ZNF831: variants seen among roughly 807,000 people sequenced by gnomAD.
The protein encoded by ZNF831 is zinc finger protein 831.
Under a neutral mutation model 95.8 loss-of-function variants are expected in ZNF831, and 59 were observed. That is an observed-to-expected ratio of 0.62 (90% CI 0.50 to 0.77). The LOEUF (loss-of-function observed/expected upper bound fraction) is 0.77. ZNF831 is among the 30% of genes least tolerant of loss of function. The probability of loss-of-function intolerance (pLI) is 0.00; values close to 1 mark genes in which losing one functional copy is unlikely to be tolerated. For missense variants in ZNF831, 2,205 were observed against 2,164.0 expected (o/e 1.02, Z -0.38); for synonymous variants, 961 against 925.5 (o/e 1.04, Z -0.70).
intron 1 of ZNF831, among the ~76,000 whole-genome samples, chr20:59,123,877 A>G (rs562306431): frequency 9.2e-5 from 14 of 152,344 alleles, no homozygotes; most frequent in Non-Finnish European, 1.8e-4. Flanking sequence ...CATCTCATCC[A>G]CAGAACATAA....
rs777173133 is a variant in ZNF831 at position 59,191,969 on chromosome 20, G to C, written c.950G>C (p.Arg317Pro). ...GCCGGGAAGCCGTGCGCCCTGCAGCGGCAGCAGGCGACGGCAGCGGAGAAG... is the reference window on the plus strand; with the variant it reads ...GCCGGGAAGCCGTGCGCCCTGCAGCCGCAGCAGGCGACGGCAGCGGAGAAG... ...PTAGKPCALQRQQATAAEKPW... is the reference protein window; with the variant it reads ...PTAGKPCALQPQQATAAEKPW... The change falls in exon 2 of 6, where the codon CGG (arginine) becomes CCG (proline). Residue 317 changes from arginine (R) to proline (P), a missense_variant. Coordinates refer to ENST00000371030, the MANE Select transcript of ZNF831 (RefSeq NM_178457.3). The C allele has an allele frequency of 1.0e-5, 16 of 1,606,356 alleles. No homozygotes were observed. In the African/African-American group the frequency reaches 2.0e-4, roughly 20 times the overall value.
chr20:59,161,354 T>A (rs1980851185), upstream of ZNF831, among the ~76,000 whole-genome samples: 1 of 152,120 alleles, frequency 6.6e-6, no homozygotes, highest in African/African-American at 2.4e-5. Flanking sequence ...CTCAGCTTGC[T>A]GCAACCTCTG....
chr20:59,194,184 G>T lies in ZNF831; in HGVS notation c.3165G>T (p.Pro1055=). Residue 1055 remains proline, a synonymous_variant, in exon 2 of 6, where the codon CCG becomes CCT. Coordinates refer to ENST00000371030, the MANE Select transcript of ZNF831 (RefSeq NM_178457.3). ...CTCCCAGGGAGGCTACCTCCTCCCCGCCCACTCCAACGTGTGAGGCACACT... is the reference window on the plus strand; with the variant it reads ...CTCCCAGGGAGGCTACCTCCTCCCCTCCCACTCCAACGTGTGAGGCACACT... ...PGAPREATSS[P]PTPTCEAHLV... is the part of the protein sequence containing the mutation. 6.2e-7 allele frequency: 1 copy of T among 1,600,962 alleles called. No individual in the cohort carries two copies. Among genetic ancestry groups the T allele is most frequent in the South Asian group, 1.1e-5 (1 of 88,930 alleles).
chr20:59,204,751 A>C (rs909022368), intron 3 of ZNF831, among the ~76,000 whole-genome samples: 12 of 151,974 alleles, frequency 7.9e-5, no homozygotes, highest in African/African-American at 2.9e-4. Context: ...AGCCTGACGA[A>C]AGTGTCCTGG....
At chr20:59,124,158 T>C (rs1401274514) in intron 1 of ZNF831, among the ~76,000 whole-genome samples, 3 of 152,148 alleles carry the variant, frequency 2.0e-5, no homozygotes, top group Non-Finnish European at 4.4e-5. Flanking sequence ...AAACTCTTCC[T>C]ATGGCCGTTT....
At chr20:59,241,929 C>A (rs1034365867) in intron 4 of ZNF831, among the ~76,000 whole-genome samples, 1 of 152,178 alleles carries the variant, frequency 6.6e-6, no homozygotes, top group Non-Finnish European at 1.5e-5. Context: ...TATCTAAACA[C>A]GTTATGAAAA....
chr20:59,146,196 CCA>C (rs1476669353), intron 1 of ZNF831: 1 of 151,940 alleles, frequency 6.6e-6, no homozygotes, highest in Non-Finnish European at 1.5e-5. Context: ...CCACCACCCT[CCA>C]CACACACAAT....
intron 4 of ZNF831, among the ~76,000 whole-genome samples, chr20:59,232,994 GCA>G (rs59267396): frequency 0.25 from 30,623 of 122,476 alleles, 3,505 homozygotes; most frequent in East Asian, 0.32. Context: ...GGACCCTGAG[GCA>G]CACACACACA....
intron 4 of ZNF831, among the ~76,000 whole-genome samples, chr20:59,250,846 G>A (rs1987848593): frequency 6.6e-6 from 1 of 151,794 alleles, no homozygotes; most frequent in Non-Finnish European, 1.5e-5. Context: ...CCAAGAAACA[G>A]AACATCACAG....
At chr20:59,151,707 G>T (rs1354045900) in intron 2 of ZNF831, among the ~76,000 whole-genome samples, 2 of 152,206 alleles carry the variant, frequency 1.3e-5, no homozygotes, top group East Asian at 3.8e-4. Flanking sequence ...ATGGAGATTT[G>T]TAGTAGTTTT....
chr20:59,249,661 A>AAAAAGC (rs1987787984), intron 4 of ZNF831, among the ~76,000 whole-genome samples: 1 of 152,184 alleles, frequency 6.6e-6, no homozygotes, highest in African/African-American at 2.4e-5. Flanking sequence ...GTGTGGAAGA[A>AAAAAGC]AAAAGCATTG....
In ZNF831 at chr20:59,193,158, G is replaced by T. The variant is rs201656414; in HGVS notation, c.2139G>T (p.Thr713=). ...CTGAACCCACTAAGCATGGGGAGAC[G>T]GTGGCCAGGAGAGGAGACAGTGACC... ...LVTEPTKHGE[T]VARRGDSDRP... Residue 713 remains threonine (T), a synonymous_variant, in exon 2 of 6, where the codon ACG becomes ACT. Transcript: ENST00000371030. 1.2e-4 allele frequency: 192 copies of T among 1,574,966 alleles called. 2 individuals carry two copies. The African/African-American group carries it at 2.4e-3, about 19-fold the overall frequency.
chr20:59,200,791 T>A (rs985647928), intron 3 of ZNF831, among the ~76,000 whole-genome samples: 2 of 152,142 alleles, frequency 1.3e-5, no homozygotes, highest in Non-Finnish European at 2.9e-5. Context: ...TTGAGGTTCA[T>A]CCATGTTGTG....
intron 2 of ZNF831, among the ~76,000 whole-genome samples, chr20:59,152,640 C>T (rs909947189): frequency 6.6e-6 from 1 of 152,146 alleles, no homozygotes; most frequent in East Asian, 1.9e-4. Flanking sequence ...TCTGGGGAAT[C>T]TGAGCTGCTC....
intron 2 of ZNF831, among the ~76,000 whole-genome samples, chr20:59,152,766 T>C (rs1980319413): frequency 6.6e-6 from 1 of 151,960 alleles, no homozygotes; most frequent in Non-Finnish European, 1.5e-5. Context: ...GCCCCTGACA[T>C]GGGCCAGCAT....
intron 3 of ZNF831, among the ~76,000 whole-genome samples, chr20:59,204,916 C>T (rs535416047): frequency 6.6e-6 from 1 of 152,198 alleles, no homozygotes; most frequent in African/African-American, 2.4e-5. Context: ...AGAAACGTAC[C>T]CTGCCCATGA....
rs191565536 is a variant in ZNF831, at chr20:59,164,178, T to C, written c.-66T>C. On this transcript the variant is annotated 5_prime_UTR_variant, in exon 1 of 6. Coordinates refer to ENST00000371030, the MANE Select transcript of ZNF831 (RefSeq NM_178457.3). ...TCATTGTGTTTGAATCAGAGCATCA[T>C]TGGCTGAAAACACTCCACTGTTTAT... Among the ~76,000 whole-genome samples the C allele has an allele frequency of 3.0e-4, 45 of 152,264 alleles. 2 individuals carry two copies. The highest frequency in any genetic ancestry group is 2.2e-3 in the Admixed American group (33 of 15,302).
intron 4 of ZNF831, among the ~76,000 whole-genome samples, chr20:59,232,497 G>T (rs1986779628): frequency 6.6e-6 from 1 of 151,566 alleles, no homozygotes; most frequent in Non-Finnish European, 1.5e-5. Flanking sequence ...CCTCAGCCCT[G>T]GGACCCCCGA....
chr20:59,231,558 C>T (rs557946202), intron 4 of ZNF831, among the ~76,000 whole-genome samples: 8 of 152,274 alleles, frequency 5.3e-5, no homozygotes, highest in African/African-American at 1.2e-4. Flanking sequence ...TAGAGAAGAA[C>T]GTCTTTTTGC....
Sources: allele counts gnomAD v4.1 joint callset (sites outside exome capture counted in the v4.1 genomes callset), GRCh38; gene constraint gnomAD v4.1.1; transcripts MANE v1.5; gene names NCBI Gene and HGNC (gene_info 2026-07-23, HGNC 2026-07-21).